TK2: variants seen among roughly 807,000 people sequenced by gnomAD.
The protein encoded by TK2 is thymidine kinase 2, also known as thymidine kinase 2, mitochondrial.
A neutral mutation model predicts 41.9 loss-of-function variants in TK2; 35 were observed. The ratio of observed to expected loss-of-function variants is 0.84; its 90% CI spans 0.64 to 1.11. The LOEUF is 1.11. TK2 is among the 50% of genes least tolerant of loss of function. TK2 has a pLI of 0.00. For synonymous variants in TK2, 128 were observed against 129.1 expected (o/e 0.99, Z 0.06); for missense variants, 320 against 351.1 (o/e 0.91, Z 0.71).
intron 8 of TK2, among the ~76,000 whole-genome samples, chr16:66,516,806 A>G (rs2144352659): frequency 6.6e-6 from 1 of 151,400 alleles, no homozygotes; most frequent in South Asian, 2.1e-4. Flanking sequence ...AGAGAGCACA[A>G]GGCCAGGCAA....
rs1965731661 is a variant in TK2 at position 66,549,831 on chromosome 16, C to T, written c.124+107G>A. On this transcript the variant is annotated intron_variant, in intron 1 of 9. Transcript: ENST00000544898. ...AGCCGCAGCCGGGGAGGAAATCCCG[C>T]GCCTCGGAAGAGGCGCTTCGGGCTC... 2.3e-6 allele frequency: 3 copies of T among 1,284,452 alleles called. No individual in the cohort carries two copies. The Admixed American group carries it at 1.3e-4, about 54-fold the overall frequency. The allele number at this position is 1,284,452 out of a possible 1,614,324, so 79.6% of individuals were successfully genotyped here.
chr16:66,537,176 G>A (rs1414067378), intron 3 of TK2, among the ~76,000 whole-genome samples, 159 bp from the exon 4 acceptor site: 14 of 152,152 alleles, frequency 9.2e-5, no homozygotes, highest in Non-Finnish European at 7.4e-5. Context: ...GACAACCCCC[G>A]TGAGGTCACA....
chr16:66,543,160 C>T (rs1046519761), intron 2 of TK2, among the ~76,000 whole-genome samples: 2 of 152,248 alleles, frequency 1.3e-5, no homozygotes, highest in Admixed American at 6.5e-5. Context: ...AGGCGTGAGC[C>T]ACTGCACCCG....
At chr16:66,519,785 G>C (rs1964725718) in intron 6 of TK2, among the ~76,000 whole-genome samples, 1 of 152,224 alleles carries the variant, frequency 6.6e-6, no homozygotes, top group Non-Finnish European at 1.5e-5. Flanking sequence ...GACTGGCCAT[G>C]GGGGAGTGGC....
chr16:66,535,327 G>C (rs534098986), intron 4 of TK2, among the ~76,000 whole-genome samples: 2 of 152,330 alleles, frequency 1.3e-5, no homozygotes, highest in East Asian at 3.9e-4. Context: ...TTCTGAGGCT[G>C]TGATTCTGTC....
chr16:66,512,612 T>C (rs1466575677), intron 9 of TK2, among the ~76,000 whole-genome samples: 1 of 152,104 alleles, frequency 6.6e-6, no homozygotes, highest in Non-Finnish European at 1.5e-5. Flanking sequence ...CAAAATCCCA[T>C]CTCTACGAAA....
chr16:66,512,196 A>T lies in TK2; in HGVS notation c.700-130T>A. The T allele has an allele frequency of 3.6e-6, 3 of 830,540 alleles. No homozygotes were observed. In the Admixed American group the frequency reaches 5.8e-5, roughly 16 times the overall value. The allele number at this position is 830,540 out of a possible 1,614,324, so 51.4% of individuals were successfully genotyped here. ...GGGCACAGAAGGTTGCAGGCAGATA[A>T]AAAGGAAGGTTAGAGCCAAATCGCT... is the stretch of plus-strand genomic sequence containing the variant. On this transcript the variant is annotated intron_variant, in intron 9 of 9. Transcript: ENST00000544898.
rs370360942 is a variant in TK2, at chr16:66,531,392, A to G, written c.363T>C (p.His121=). ...TYVQLTMLDR[H]TRPQVSSVRL... Reference sequence around the variant, plus strand: ...ATCTGAAACCTACCTGAGGACGAGTATGCCTGTCCAGCATGGTGAGCTGCA... The same window carrying G: ...ATCTGAAACCTACCTGAGGACGAGTGTGCCTGTCCAGCATGGTGAGCTGCA... The change falls in exon 5 of 10, where the codon CAT becomes CAC. Residue 121 remains histidine, a synonymous_variant. Transcript: ENST00000544898. 6.2e-7 allele frequency: 1 copy of G among 1,614,090 alleles called. No individual in the cohort carries two copies. Among genetic ancestry groups the G allele is most frequent in the African/African-American group, 1.3e-5 (1 of 74,926 alleles).
chr16:66,515,996 C>T (rs148808583), intron 8 of TK2, among the ~76,000 whole-genome samples: 1 of 152,212 alleles, frequency 6.6e-6, no homozygotes, highest in Non-Finnish European at 1.5e-5. Flanking sequence ...CAGCTTCTCA[C>T]ATGGGACATT....
chr16:66,524,608 G>A (rs572983959), intron 6 of TK2, among the ~76,000 whole-genome samples: 52 of 152,280 alleles, frequency 3.4e-4, no homozygotes, highest in African/African-American at 1.2e-3. Context: ...AAAGTGCTGG[G>A]ATTACAAGTA....
intron 4 of TK2, among the ~76,000 whole-genome samples, chr16:66,532,238 T>C (rs12102747): frequency 0.13 from 19,498 of 151,170 alleles, 2,265 homozygotes; most frequent in African/African-American, 0.3. Flanking sequence ...ATCAGTAGCA[T>C]GTATATACAC....
In TK2 at chr16:66,549,541, C is replaced by G. The variant is rs142697958; in HGVS notation, c.124+397G>C. Reference sequence around the variant, plus strand: ...CCCACTCCCAGGGAGGGCAGGAGAGCGCCGGGGGCGTAACCCCCCTCCCCC... The same window carrying G: ...CCCACTCCCAGGGAGGGCAGGAGAGGGCCGGGGGCGTAACCCCCCTCCCCC... On this transcript the variant is annotated intron_variant, in intron 1 of 9. Transcript: ENST00000544898. The G allele has an allele frequency of 9.1e-4, 956 of 1,047,586 alleles. 4 individuals carry two copies. In the African/African-American group the frequency reaches 0.014, roughly 15 times the overall value. The allele number at this position is 1,047,586 out of a possible 1,614,324, so 64.9% of individuals were successfully genotyped here. A position where few individuals can be genotyped will look rare whatever the true frequency, so the allele number is the denominator to read the frequency against.
At chr16:66,550,140 G>A (rs761645441), upstream of TK2, 3 of 1,612,548 alleles carry the variant, frequency 1.9e-6, no homozygotes, top group Middle Eastern at 1.7e-4. Context: ...CAGCCGTTGG[G>A]CGCCGCCTGG....
intron 9 of TK2, among the ~76,000 whole-genome samples, chr16:66,513,356 G>A (rs1408806981): frequency 3.9e-5 from 6 of 152,186 alleles, no homozygotes; most frequent in Non-Finnish European, 8.8e-5. Flanking sequence ...GATGACCTGA[G>A]TCACCAAACA....
Position 66,548,900 on chromosome 16 carries a change from C to CT in TK2, c.156+77dup, listed in dbSNP as rs1965690694. On this transcript the variant is annotated intron_variant, in intron 2 of 9. Coordinates refer to ENST00000544898, the MANE Select transcript of TK2 (RefSeq NM_004614.5). ...CTTTTTACTATGGAATGTATTTTTG[C>CT]TTTTTACTCTGCTTTTTTCTCTCTC... 5 of 1,428,052 alleles carry CT rather than the reference C, an allele frequency of 3.5e-6. No homozygotes were observed. The East Asian group carries it at 1.1e-4, about 33-fold the overall frequency. The allele number at this position is 1,428,052 out of a possible 1,614,324, so 88.5% of individuals were successfully genotyped here.
At chr16:66,536,067 G>T (rs1965267568) in intron 4 of TK2, among the ~76,000 whole-genome samples, 1 of 152,022 alleles carries the variant, frequency 6.6e-6, no homozygotes, top group Non-Finnish European at 1.5e-5. Flanking sequence ...AGCTGGGCAT[G>T]GTCGTGCGCA....
At chr16:66,534,918 A>G (rs754342362) in intron 4 of TK2, among the ~76,000 whole-genome samples, 2 of 152,180 alleles carry the variant, frequency 1.3e-5, no homozygotes, top group Non-Finnish European at 2.9e-5. Flanking sequence ...CCTGGCTTTA[A>G]GTGATCCTCT....
upstream of TK2, chr16:66,550,131 A>T (rs538827481): frequency 2.7e-5 from 43 of 1,612,326 alleles, no homozygotes; most frequent in East Asian, 9.4e-4. Context: ...CTGCTAGTCC[A>T]GCCGTTGGGC....
intron 4 of TK2, among the ~76,000 whole-genome samples, chr16:66,536,139 G>T (rs1010193515): frequency 2.6e-5 from 4 of 151,278 alleles, no homozygotes; most frequent in Admixed American, 2.6e-4. Flanking sequence ...GGGAGACAGA[G>T]GTTGCAGTGA....
Sources: allele counts gnomAD v4.1 joint callset (sites outside exome capture counted in the v4.1 genomes callset), GRCh38; gene constraint gnomAD v4.1.1; transcripts MANE v1.5; gene names NCBI Gene and HGNC (gene_info 2026-07-23, HGNC 2026-07-21).